The following PALM2AKAP2 variants were observed in gnomAD, a reference collection of about 807,000 sequenced individuals.
The protein encoded by PALM2AKAP2 is PALM2-AKAP2 fusion protein.
PALM2AKAP2 carries 37 observed loss-of-function variants against 71.5 expected under a neutral mutation model. The ratio of observed to expected loss-of-function variants is 0.52; its 90% CI spans 0.40 to 0.68. The LOEUF (loss-of-function observed/expected upper bound fraction) is 0.68. Among genes scored for constraint, PALM2AKAP2 ranks in the 30% least tolerant of loss-of-function variants. The probability of loss-of-function intolerance (pLI) is 0.00; values close to 1 mark genes in which losing one functional copy is unlikely to be tolerated. For missense variants in PALM2AKAP2, 1,224 were observed against 1,191.8 expected (o/e 1.03, Z -0.40); for synonymous variants, 468 against 478.8 (o/e 0.98, Z 0.29).
chr9:109,887,724 T>A (rs1829999309), intron 3 of PALM2AKAP2, among the ~76,000 whole-genome samples: 1 of 152,036 alleles, frequency 6.6e-6, no homozygotes, highest in South Asian at 2.1e-4. Flanking sequence ...ACATACAAGA[T>A]GAATGAAAAA....
chr9:110,074,041 G>A (rs1051512111), intron 1 of PALM2AKAP2, among the ~76,000 whole-genome samples: 2 of 152,178 alleles, frequency 1.3e-5, no homozygotes, highest in African/African-American at 4.8e-5. Flanking sequence ...AATTGGCAGT[G>A]TGCACCATTT....
rs555273879 is a variant in PALM2AKAP2 at position 110,112,955 on chromosome 9, A to G, written c.157-23172A>G. Among the ~76,000 whole-genome samples, 3 of 152,388 alleles carry G rather than the reference A, an allele frequency of 2.0e-5. No individual in the cohort carries two copies. In the South Asian group the frequency reaches 6.2e-4, roughly 32 times the overall value. On this transcript the variant is annotated intron_variant, in intron 1 of 3. Transcript: ENST00000374525. ...CAACAAAGGTTATGAGCACCTCATC[A>G]TCAACTAAAGTTGCTAATGCCTTTG...
chr9:110,131,605 T>C (rs1251188644), intron 1 of PALM2AKAP2, among the ~76,000 whole-genome samples: 2 of 152,216 alleles, frequency 1.3e-5, no homozygotes, highest in African/African-American at 4.8e-5. Flanking sequence ...CCCATTTCCA[T>C]TTACCTGGTG....
intron 1 of PALM2AKAP2, among the ~76,000 whole-genome samples, chr9:110,075,829 C>T (rs914608652): frequency 6.6e-6 from 1 of 151,916 alleles, no homozygotes. Flanking sequence ...TAATTGTTAA[C>T]ATTTCTCATA....
intron 1 of PALM2AKAP2, among the ~76,000 whole-genome samples, chr9:109,825,150 C>T (rs1046617872): frequency 9.8e-5 from 15 of 152,298 alleles, no homozygotes; most frequent in East Asian, 7.7e-4. Context: ...TTTTGTCTGG[C>T]TAGCCATATG....
chr9:110,000,162 TC>T (rs989714927), intron 6 of PALM2AKAP2, among the ~76,000 whole-genome samples: 3 of 70,622 alleles, frequency 4.2e-5, no homozygotes, highest in South Asian at 6.8e-4. Context: ...CCCTCCCCCC[TC>T]CCCCCACCAC....
At chr9:109,944,933 T>G (rs1434467407) in intron 6 of PALM2AKAP2, 1 of 152,194 alleles carries the variant, frequency 6.6e-6, no homozygotes, top group Non-Finnish European at 1.5e-5. Context: ...TTGTTATGAA[T>G]TATTCATAAA....
At chr9:109,740,829 T>A (rs1435406874) in intron 1 of PALM2AKAP2, among the ~76,000 whole-genome samples, 3 of 152,126 alleles carry the variant, frequency 2.0e-5, no homozygotes, top group Non-Finnish European at 4.4e-5. Context: ...AATTTTGGTA[T>A]TTTTGGTAGA....
intron 1 of PALM2AKAP2, among the ~76,000 whole-genome samples, chr9:110,070,079 A>C (rs1214645163): frequency 1.3e-5 from 2 of 152,214 alleles, no homozygotes; most frequent in Non-Finnish European, 2.9e-5. Context: ...CAGAGAGGGA[A>C]GCTTGTGACC....
chr9:110,135,767 A>G (rs1428866265), intron 1 of PALM2AKAP2, among the ~76,000 whole-genome samples: 1 of 152,228 alleles, frequency 6.6e-6, no homozygotes, highest in Non-Finnish European at 1.5e-5. Flanking sequence ...CTGTTCATAC[A>G]AAAGGACCTT....
At chr9:110,131,203 A>G (rs1389951599) in intron 1 of PALM2AKAP2, among the ~76,000 whole-genome samples, 1 of 65,118 alleles carries the variant, frequency 1.5e-5, no homozygotes, top group Non-Finnish European at 3.1e-5. Flanking sequence ...CCAGCTGTTA[A>G]CTATTCTAGA....
intron 1 of PALM2AKAP2, among the ~76,000 whole-genome samples, chr9:109,794,575 A>G (rs993344544): frequency 6.6e-6 from 1 of 152,140 alleles, no homozygotes; most frequent in Non-Finnish European, 1.5e-5. Flanking sequence ...TTCCCTGTTC[A>G]GTTACCTCAT....
chr9:110,160,690 A>T (rs555225412), intron 3 of PALM2AKAP2, among the ~76,000 whole-genome samples: 1 of 152,198 alleles, frequency 6.6e-6, no homozygotes, highest in African/African-American at 2.4e-5. Context: ...CATTGAGTCA[A>T]TGATGCTCAT....
intron 1 of PALM2AKAP2, among the ~76,000 whole-genome samples, chr9:110,117,711 A>T (rs539396876): frequency 6.6e-6 from 1 of 152,250 alleles, no homozygotes; most frequent in Non-Finnish European, 1.5e-5. Context: ...TAATGAATCC[A>T]TTCCTGGGTT....
In PALM2AKAP2 at chr9:109,668,435, C is replaced by G. The variant is rs117725941; in HGVS notation, c.5+27569C>G. ...GAACAAAACACATTCTTGTTTTATC[C>G]CACTGGAAAATATCATGCTCTCTGT... On this transcript the variant is annotated intron_variant, in intron 1 of 6. Transcript: ENST00000374531. 1.2e-3 allele frequency among the ~76,000 whole-genome samples: 182 copies of G among 152,230 alleles called. 1 individual carries two copies. The East Asian group carries it at 0.026, about 22-fold the overall frequency.
At chr9:110,048,438 C>T (rs1455928065), upstream of PALM2AKAP2, among the ~76,000 whole-genome samples, 2 of 152,188 alleles carry the variant, frequency 1.3e-5, no homozygotes, top group East Asian at 3.9e-4. Context: ...AAACACTCAG[C>T]TTTGCCCGCC....
chr9:110,100,353 G>A (rs945426671), intron 1 of PALM2AKAP2, among the ~76,000 whole-genome samples: 5 of 152,160 alleles, frequency 3.3e-5, no homozygotes, highest in South Asian at 2.1e-4. Context: ...ATGTTTCAGC[G>A]TTTGTCTCTG....
chr9:110,154,046 C>T (rs1836385869), intron 2 of PALM2AKAP2, among the ~76,000 whole-genome samples: 1 of 151,980 alleles, frequency 6.6e-6, no homozygotes, highest in South Asian at 2.1e-4. Context: ...ATTTCTGGTC[C>T]CAGAAGAGAT....
At chr9:109,907,841 C>T (rs1830482671) in intron 3 of PALM2AKAP2, among the ~76,000 whole-genome samples, 1 of 152,202 alleles carries the variant, frequency 6.6e-6, no homozygotes, top group Non-Finnish European at 1.5e-5. Flanking sequence ...TGAGGAAGAG[C>T]AGTTTGGATC....
Sources: allele counts gnomAD v4.1 joint callset (sites outside exome capture counted in the v4.1 genomes callset), GRCh38; gene constraint gnomAD v4.1.1; transcripts MANE v1.5; gene names NCBI Gene and HGNC (gene_info 2026-07-23, HGNC 2026-07-21).